ZNHIT6: variants seen among roughly 807,000 people sequenced by gnomAD.
ZNHIT6 encodes box C/D snoRNA protein 1.
In ZNHIT6, 45 loss-of-function variants were observed where a neutral mutation model predicts 57.2. The ratio of observed to expected loss-of-function variants is 0.79; its 90% CI spans 0.62 to 1.01. The LOEUF is 1.01. Ranked by LOEUF, ZNHIT6 falls within the 50% of genes least tolerant of loss-of-function variation. ZNHIT6 has a pLI of 0.00. For missense variants in ZNHIT6, 528 were observed against 567.3 expected (o/e 0.93, Z 0.70); for synonymous variants, 188 against 190.0 (o/e 0.99, Z 0.09).
chr1:85,671,881 T>G (rs2100666586), intron 8 of ZNHIT6, among the ~76,000 whole-genome samples: 1 of 152,284 alleles, frequency 6.6e-6, no homozygotes, highest in East Asian at 1.9e-4. Context: ...GTTCTCATGA[T>G]TTGGTTTAGG....
intron 9 of ZNHIT6, 43 bp downstream of exon 9, chr1:85,657,804 T>C (rs1413535219): frequency 6.3e-7 from 1 of 1,586,744 alleles, no homozygotes; most frequent in African/African-American, 1.4e-5. Flanking sequence ...CTTTGGTTTC[T>C]CTAAAGCTAT....
At chr1:85,660,918 T>G (rs1661204718) in intron 8 of ZNHIT6, among the ~76,000 whole-genome samples, 1 of 152,186 alleles carries the variant, frequency 6.6e-6, no homozygotes, top group African/African-American at 2.4e-5. Context: ...TATTTAGTGT[T>G]TAGCCTAAAA....
intron 5 of ZNHIT6, among the ~76,000 whole-genome samples, chr1:85,681,304 G>A (rs1465568605): frequency 6.6e-6 from 1 of 152,218 alleles, no homozygotes; most frequent in Non-Finnish European, 1.5e-5. Context: ...TCTGAGGCAT[G>A]AGTACGTGCA....
At chr1:85,681,921 G>A (rs1661887202) in intron 5 of ZNHIT6, among the ~76,000 whole-genome samples, 1 of 150,112 alleles carries the variant, frequency 6.7e-6, no homozygotes, top group South Asian at 2.1e-4. Context: ...AAAACATTTT[G>A]CAATATTCAT....
chr1:85,683,034 T>C (rs2100686945), intron 5 of ZNHIT6, among the ~76,000 whole-genome samples: 1 of 151,376 alleles, frequency 6.6e-6, no homozygotes, highest in South Asian at 2.1e-4. Flanking sequence ...CTAGGCAACA[T>C]GATGATACCC....
In ZNHIT6 at chr1:85,680,876, G is replaced by A; in HGVS notation, c.1048C>T (p.Leu350Phe). The change falls in exon 6 of 10, where the codon CTC (leucine) becomes TTC (phenylalanine). Residue 350 changes from leucine to phenylalanine, a missense_variant. By Grantham distance (22) the Leu-to-Phe change is conservative (BLOSUM62 0). Transcript: ENST00000370574. Reference protein sequence around the residue: ...KKQQFCWHVKLQFPQSQAEYI... With the variant: ...KKQQFCWHVKFQFPQSQAEYI... ...TCAGCTTGACTTTGAGGAAACTGGA[G>A]CTTCACATGCCAACAAAACTGTTGT... The A allele has an allele frequency of 6.2e-7, 1 of 1,612,686 alleles. No individual in the cohort carries two copies. The highest frequency in any genetic ancestry group is 8.5e-7 in the Non-Finnish European group (1 of 1,179,376).
intron 5 of ZNHIT6, among the ~76,000 whole-genome samples, chr1:85,699,346 TC>T (rs1662462919): frequency 6.6e-6 from 1 of 152,126 alleles, no homozygotes; most frequent in Admixed American, 6.5e-5. Context: ...AACACCAGAA[TC>T]CTGATTCTGT....
chr1:85,683,300 T>C (rs1382147934), intron 5 of ZNHIT6, among the ~76,000 whole-genome samples: 1 of 152,160 alleles, frequency 6.6e-6, no homozygotes, highest in East Asian at 1.9e-4. Context: ...GGGCAGATCA[T>C]GAGGTCAGGA....
intron 5 of ZNHIT6, among the ~76,000 whole-genome samples, chr1:85,700,292 C>G (rs1198426837): frequency 2.0e-5 from 3 of 152,124 alleles, no homozygotes; most frequent in Non-Finnish European, 4.4e-5. Flanking sequence ...ATCATGAGCT[C>G]CATTTTGCAG....
intron 5 of ZNHIT6, among the ~76,000 whole-genome samples, chr1:85,694,091 A>T (rs1662292775): frequency 6.6e-6 from 1 of 152,214 alleles, no homozygotes; most frequent in Non-Finnish European, 1.5e-5. Flanking sequence ...GAAGAGAGGA[A>T]ATGACAAGAA....
At chr1:85,668,407 C>T (rs978357156) in intron 8 of ZNHIT6, among the ~76,000 whole-genome samples, 5 of 152,080 alleles carry the variant, frequency 3.3e-5, no homozygotes, top group African/African-American at 7.2e-5. Context: ...AGGAAGTTTA[C>T]GTAATCCCAT....
intron 5 of ZNHIT6, among the ~76,000 whole-genome samples, chr1:85,693,344 T>G (rs1424953847): frequency 3.9e-5 from 6 of 151,902 alleles, no homozygotes; most frequent in Admixed American, 2.0e-4. Context: ...ACAACGTGAG[T>G]GAGTAAGTAA....
At chr1:85,671,581 C>T (rs540225398) in intron 8 of ZNHIT6, among the ~76,000 whole-genome samples, 44 of 152,192 alleles carry the variant, frequency 2.9e-4, no homozygotes, top group African/African-American at 8.2e-4. Flanking sequence ...ACACCTCTTA[C>T]GTTCATTGAA....
rs1292692730 is a variant in ZNHIT6, at chr1:85,649,867, A to T, written c.*4191T>A. On this transcript the variant is annotated 3_prime_UTR_variant, in exon 10 of 10. Coordinates refer to ENST00000370574, the MANE Select transcript of ZNHIT6 (RefSeq NM_017953.4). ...AAAAATGGATGGCATTAAAAAAAAA[A>T]TCCAAAAACCTATAATGGCAACTCA... is the stretch of plus-strand genomic sequence containing the variant. 4 of 152,170 alleles carry T rather than the reference A, an allele frequency of 2.6e-5. No individual in the cohort carries two copies. The highest frequency in any genetic ancestry group is 9.7e-5 in the African/African-American group (4 of 41,446). 9.4% of individuals were successfully genotyped at this position (152,170 alleles called of 1,614,324 possible).
intron 8 of ZNHIT6, 100 bp downstream of exon 8, chr1:85,677,136 T>C (rs1322343106): frequency 6.1e-6 from 5 of 813,478 alleles, no homozygotes. Context: ...GTCATGTTCA[T>C]AGCTAGATAA....
intron 5 of ZNHIT6, among the ~76,000 whole-genome samples, chr1:85,696,985 C>G (rs1331387652): frequency 6.6e-6 from 1 of 151,326 alleles, no homozygotes; most frequent in South Asian, 2.1e-4. Flanking sequence ...CTCAGCCTCC[C>G]GAGTAGCTGG....
chr1:85,693,534 A>T (rs1662276671), intron 5 of ZNHIT6, among the ~76,000 whole-genome samples: 1 of 152,210 alleles, frequency 6.6e-6, no homozygotes, highest in African/African-American at 2.4e-5. Context: ...AGACAAAGAA[A>T]TTAAGATAAC....
chr1:85,679,855 G>A (rs1661820467), intron 6 of ZNHIT6, among the ~76,000 whole-genome samples: 2 of 152,286 alleles, frequency 1.3e-5, no homozygotes, highest in South Asian at 4.1e-4. Flanking sequence ...AAAGTGCTGG[G>A]ATTATAGGTG....
Position 85,652,047 on chromosome 1 carries a change from C to G in ZNHIT6, c.*2011G>C, listed in dbSNP as rs768801706. 1 of 152,120 alleles carries G rather than the reference C, an allele frequency of 6.6e-6. No homozygotes were observed. 9.4% of individuals were successfully genotyped at this position (152,120 alleles called of 1,614,324 possible). A position where few individuals can be genotyped will look rare whatever the true frequency, so the allele number is the denominator to read the frequency against. On this transcript the variant is annotated 3_prime_UTR_variant, in exon 10 of 10. Transcript: ENST00000370574. ...CTAGAAAATAAAGATGGCAAAGATG[C>G]ATTAGATAATATAGATTTCTTTTTT... is the stretch of plus-strand genomic sequence containing the variant.
Sources: allele counts gnomAD v4.1 joint callset (sites outside exome capture counted in the v4.1 genomes callset), GRCh38; gene constraint gnomAD v4.1.1; transcripts MANE v1.5; gene names NCBI Gene and HGNC (gene_info 2026-07-23, HGNC 2026-07-21).